The following TRAPPC3 variants were observed in gnomAD, a reference collection of about 807,000 sequenced individuals.
TRAPPC3 encodes trafficking protein particle complex subunit 3, also known as trafficking protein particle complex 3.
A neutral mutation model predicts 18.2 loss-of-function variants in TRAPPC3; 5 were observed. The observed-to-expected ratio is 0.28, with a 90% confidence interval of 0.14 to 0.58. The LOEUF (loss-of-function observed/expected upper bound fraction) is 0.58, where lower values mean the gene tolerates loss of function less well. Ranked by LOEUF, TRAPPC3 falls within the 20% of genes least tolerant of loss-of-function variation. The probability of loss-of-function intolerance (pLI) is 0.91; values close to 1 mark genes in which losing one functional copy is unlikely to be tolerated. For synonymous variants in TRAPPC3, 65 were observed against 84.2 expected (o/e 0.77, Z 1.25); for missense variants, 176 against 225.9 (o/e 0.78, Z 1.41).
At chr1:36,142,173 AG>A (rs1338287350) in intron 1 of TRAPPC3, among the ~76,000 whole-genome samples, 1 of 136,750 alleles carries the variant, frequency 7.3e-6, no homozygotes, top group Non-Finnish European at 1.7e-5. Flanking sequence ...CTAGAGTCAA[AG>A]AAAGTCAGTT....
Position 36,139,694 on chromosome 1 carries a change from A to C in TRAPPC3, c.240+26T>G, listed in dbSNP as rs769936608. On this transcript the variant is annotated intron_variant, in intron 3 of 4. Coordinates refer to ENST00000373166, the MANE Select transcript of TRAPPC3 (RefSeq NM_014408.5). ...TGCCTCTCAGCAGCAATTCTTCAGCATGGACAGGTGGCCCAGAATAATGAC... is the reference window on the plus strand; with the variant it reads ...TGCCTCTCAGCAGCAATTCTTCAGCCTGGACAGGTGGCCCAGAATAATGAC... The C allele has an allele frequency of 9.9e-6, 16 of 1,613,644 alleles. No homozygotes were observed. In the Admixed American group the frequency reaches 1.7e-4, roughly 17 times the overall value.
chr1:36,155,193 C>CT (rs1244798588), intron 1 of TRAPPC3, among the ~76,000 whole-genome samples: 8 of 152,208 alleles, frequency 5.3e-5, no homozygotes, highest in Non-Finnish European at 1.2e-4. Flanking sequence ...GCCCCTCCTC[C>CT]TCCCCCGCAA....
intron 1 of TRAPPC3, among the ~76,000 whole-genome samples, chr1:36,144,601 T>C (rs962672872): frequency 6.6e-6 from 1 of 152,166 alleles, no homozygotes; most frequent in African/African-American, 2.4e-5. Context: ...CTGCAGTGAA[T>C]TGTGATTACA....
chr1:36,147,457 C>T (rs1481048665), intron 1 of TRAPPC3, among the ~76,000 whole-genome samples: 1 of 144,234 alleles, frequency 6.9e-6, no homozygotes, highest in Non-Finnish European at 1.5e-5. Flanking sequence ...ACCTGGGCAA[C>T]ACAGGGAGAC....
intron 3 of TRAPPC3, 119 bp downstream of exon 3, chr1:36,139,601 G>T: frequency 7.3e-7 from 1 of 1,370,464 alleles, no homozygotes; most frequent in Non-Finnish European, 9.9e-7. Flanking sequence ...TTGACCCAAA[G>T]AGCTGCCTAG....
intron 4 of TRAPPC3, 138 bp from the exon 5 acceptor site, chr1:36,137,460 G>T: frequency 1.2e-6 from 1 of 863,962 alleles, no homozygotes; most frequent in Non-Finnish European, 1.8e-6. Context: ...GATTGACAGC[G>T]CCAACATTCT....
upstream of TRAPPC3, among the ~76,000 whole-genome samples, chr1:36,153,177 C>G (rs1428522235): frequency 5.3e-5 from 8 of 152,156 alleles, no homozygotes; most frequent in Admixed American, 2.6e-4. Flanking sequence ...CAGCAAGTAC[C>G]CTACTTGCTC....
chr1:36,153,550 G>A (rs190951239), upstream of TRAPPC3, among the ~76,000 whole-genome samples: 200 of 152,264 alleles, frequency 1.3e-3, no homozygotes, highest in Non-Finnish European at 3.8e-4. Flanking sequence ...GCTAGGGAAG[G>A]GTTCCTCAAC....
At chr1:36,151,468 A>G (rs1056531955), upstream of TRAPPC3, among the ~76,000 whole-genome samples, 1 of 152,142 alleles carries the variant, frequency 6.6e-6, no homozygotes, top group Non-Finnish European at 1.5e-5. Context: ...CAACCAGCTG[A>G]GCATTGTGGT....
At chr1:36,141,205 A>G (rs961796624) in intron 1 of TRAPPC3, among the ~76,000 whole-genome samples, 1 of 152,238 alleles carries the variant, frequency 6.6e-6, no homozygotes, top group Non-Finnish European at 1.5e-5. Context: ...ATTGATGTAA[A>G]AGGTGAAATG....
chr1:36,139,467 C>G, intron 3 of TRAPPC3: 1 of 465,528 alleles, frequency 2.1e-6, no homozygotes, highest in East Asian at 4.0e-5. Flanking sequence ...AGTCTGTATT[C>G]TTTACCCCCA....
intron 1 of TRAPPC3, chr1:36,149,003 C>T (rs2124174814): frequency 8.8e-7 from 1 of 1,139,914 alleles, no homozygotes; most frequent in South Asian, 2.1e-5. Context: ...GGCTACTCTG[C>T]AGATTAACTG....
upstream of TRAPPC3, among the ~76,000 whole-genome samples, chr1:36,151,799 G>T (rs1282893508): frequency 1.3e-5 from 2 of 152,178 alleles, no homozygotes; most frequent in Admixed American, 1.3e-4. Context: ...ATAGCTTTCT[G>T]TTCCTATCAG....
chr1:36,149,934 G>GA (rs1324742294), upstream of TRAPPC3, among the ~76,000 whole-genome samples: 3 of 152,224 alleles, frequency 2.0e-5, no homozygotes, highest in African/African-American at 7.2e-5. Flanking sequence ...TTCTTCATTA[G>GA]AAAAATATTT....
In TRAPPC3 at chr1:36,149,472, A is replaced by G. The variant is rs1216195737; in HGVS notation, c.-94T>C. On this transcript the variant is annotated 5_prime_UTR_variant, in exon 1 of 5. Transcript: ENST00000373166. The stretch of plus-strand genomic sequence containing the variant: ...CTAAGCCGCTGCCCCTCAGCCCACA[A>G]GACCGACCGGCACTGACTCACTGCG... 5.9e-6 allele frequency: 9 copies of G among 1,512,854 alleles called. No individual in the cohort carries two copies. The South Asian group carries it at 1.1e-4, about 18-fold the overall frequency. The allele number at this position is 1,512,854 out of a possible 1,614,324, so 93.7% of individuals were successfully genotyped here.
Position 36,140,097 on chromosome 1 carries a change from C to A in TRAPPC3, c.112G>T (p.Glu38Ter). The change falls in exon 2 of 5, where the codon GAA becomes TAA. Residue 38 changes from glutamate (E) to a stop codon, truncating the protein, a stop_gained. Coordinates refer to ENST00000373166, the MANE Select transcript of TRAPPC3 (RefSeq NM_014408.5). LOFTEE classifies it high-confidence loss of function. Reference protein sequence around the residue: ...TQLCKDYENDEDVNKQLDKMG... With the variant: ...TQLCKDYEND ...TTGTCCAGCTGTTTATTCACATCTT[C>A]ATCATTTTCATAGTCCTTACATAGC... 1 of 1,603,890 alleles carries A rather than the reference C, an allele frequency of 6.2e-7. No individual in the cohort carries two copies. Among genetic ancestry groups the A allele is most frequent in the South Asian group, 1.1e-5 (1 of 88,840 alleles).
At chr1:36,141,674 A>C (rs1644109328) in intron 1 of TRAPPC3, among the ~76,000 whole-genome samples, 1 of 152,172 alleles carries the variant, frequency 6.6e-6, no homozygotes, top group South Asian at 2.1e-4. Context: ...AATGTGCCCA[A>C]GGAGGCTGGG....
intron 1 of TRAPPC3, among the ~76,000 whole-genome samples, chr1:36,147,398 C>CTG (rs1305701926): frequency 2.0e-5 from 3 of 151,398 alleles, no homozygotes; most frequent in Non-Finnish European, 4.4e-5. Context: ...ATTTGTGAAG[C>CTG]AGAGTTGGAG....
chr1:36,137,095 T>C lies in TRAPPC3; in HGVS notation c.*108A>G. On this transcript the variant is annotated 3_prime_UTR_variant, in exon 5 of 5. Transcript: ENST00000373166. ...AGAATGGAAACAGGTTATAAGAATA[T>C]ATAACATCCATGTTCAAGAGTCACT... 7.6e-7 allele frequency: 1 copy of C among 1,307,672 alleles called. No homozygotes were observed. The highest frequency in any genetic ancestry group is 1.1e-6 in the Non-Finnish European group (1 of 937,740). The allele number at this position is 1,307,672 out of a possible 1,614,324, so 81.0% of individuals were successfully genotyped here.
Sources: allele counts gnomAD v4.1 joint callset (sites outside exome capture counted in the v4.1 genomes callset), GRCh38; gene constraint gnomAD v4.1.1; transcripts MANE v1.5; gene names NCBI Gene and HGNC (gene_info 2026-07-23, HGNC 2026-07-21).